FNDC3B: variants seen among roughly 807,000 people sequenced by gnomAD.
FNDC3B encodes the protein fibronectin type III domain-containing protein 3B.
FNDC3B carries 12 observed loss-of-function variants against 151.5 expected under a neutral mutation model. The ratio of observed to expected loss-of-function variants is 0.08; its 90% CI spans 0.05 to 0.13. The LOEUF (loss-of-function observed/expected upper bound fraction) is 0.13. FNDC3B is among the 10% of genes least tolerant of loss of function. The pLI is 1.00. For synonymous variants in FNDC3B, 528 were observed against 549.0 expected (o/e 0.96, Z 0.54); for missense variants, 1,214 against 1,505.3 (o/e 0.81, Z 3.20).
chr3:172,068,436 T>TG (rs1272433269), intron 1 of FNDC3B, among the ~76,000 whole-genome samples: 3 of 150,596 alleles, frequency 2.0e-5, no homozygotes, highest in Non-Finnish European at 4.4e-5. Context: ...TTTTTTTTTT[T>TG]TTTTTGAGAT....
chr3:172,201,887 T>G (rs942775506), intron 3 of FNDC3B, among the ~76,000 whole-genome samples: 1 of 152,244 alleles, frequency 6.6e-6, no homozygotes, highest in African/African-American at 2.4e-5. Flanking sequence ...TATGAAAAGT[T>G]ATTTGCTGTG....
At chr3:172,265,105 T>A (rs777190823) in intron 6 of FNDC3B, among the ~76,000 whole-genome samples, 1 of 152,208 alleles carries the variant, frequency 6.6e-6, no homozygotes, top group African/African-American at 2.4e-5. Flanking sequence ...ATCTCTAGGG[T>A]TCATTTGTAA....
intron 3 of FNDC3B, among the ~76,000 whole-genome samples, chr3:172,189,948 A>C (rs1009840676): frequency 1.6e-4 from 24 of 151,428 alleles, no homozygotes; most frequent in Admixed American, 6.6e-5. Context: ...CTAGTGGCTT[A>C]TTGTGTCTTG....
rs1736499042 is a variant in FNDC3B at position 172,400,083 on chromosome 3, T to C, written c.*2608T>C. 6.6e-6 allele frequency: 1 copy of C among 152,520 alleles called. No individual in the cohort carries two copies. Among genetic ancestry groups the C allele is most frequent in the African/African-American group, 2.4e-5 (1 of 41,448 alleles). 9.4% of individuals were successfully genotyped at this position (152,520 alleles called of 1,614,324 possible). A position where few individuals can be genotyped will look rare whatever the true frequency, so the allele number is the denominator to read the frequency against. On this transcript the variant is annotated 3_prime_UTR_variant, in exon 26 of 26. Coordinates refer to ENST00000415807, the MANE Select transcript of FNDC3B (RefSeq NM_022763.4). ...TATGTGATATTGATATATAACTATA[T>C]ATATTGCCATCACACACGAACAATA... is the stretch of plus-strand genomic sequence containing the variant.
chr3:172,320,196 A>G (rs1371983570), intron 11 of FNDC3B, among the ~76,000 whole-genome samples: 1 of 152,090 alleles, frequency 6.6e-6, no homozygotes, highest in African/African-American at 2.4e-5. Context: ...CCTGACCAAC[A>G]TGGTGAAACC....
intron 24 of FNDC3B, among the ~76,000 whole-genome samples, chr3:172,380,448 C>T (rs1377297840): frequency 1.3e-5 from 2 of 152,150 alleles, no homozygotes; most frequent in Non-Finnish European, 2.9e-5. Flanking sequence ...GTCACCTGCT[C>T]CTCAAACTTT....
intron 6 of FNDC3B, among the ~76,000 whole-genome samples, chr3:172,266,130 G>T (rs1258332882): frequency 6.6e-6 from 1 of 152,134 alleles, no homozygotes; most frequent in South Asian, 2.1e-4. Context: ...ATAGGAGAAT[G>T]GATTAAAAAT....
intron 23 of FNDC3B, among the ~76,000 whole-genome samples, chr3:172,374,453 G>A (rs191555858): frequency 9.8e-5 from 15 of 152,308 alleles, no homozygotes; most frequent in South Asian, 2.1e-4. Context: ...CCGGAGTACA[G>A]TGGCAGTCTT....
chr3:172,237,851 T>A (rs903193372), intron 4 of FNDC3B, among the ~76,000 whole-genome samples: 1 of 152,246 alleles, frequency 6.6e-6, no homozygotes, highest in African/African-American at 2.4e-5. Context: ...ATATCTGTTA[T>A]CAAGCTGTAA....
At chr3:172,089,887 C>T (rs1192318722) in intron 1 of FNDC3B, among the ~76,000 whole-genome samples, 1 of 152,120 alleles carries the variant, frequency 6.6e-6, no homozygotes, top group Admixed American at 6.5e-5. Context: ...ATTCCCAGGT[C>T]GGCCATCTCA....
At chr3:172,152,578 C>CTTTTTTTTT (rs10662326) in intron 3 of FNDC3B, among the ~76,000 whole-genome samples, 4 of 125,806 alleles carry the variant, frequency 3.2e-5, no homozygotes, top group South Asian at 2.5e-4. Context: ...ATGGGAAGGG[C>CTTTTTTTTT]TTTTTTTTTT....
intron 23 of FNDC3B, among the ~76,000 whole-genome samples, chr3:172,369,313 C>A (rs1734771919): frequency 6.6e-6 from 1 of 152,098 alleles, no homozygotes; most frequent in Non-Finnish European, 1.5e-5. Flanking sequence ...GGAAGAGTAT[C>A]CTTGAAGATT....
intron 6 of FNDC3B, among the ~76,000 whole-genome samples, chr3:172,267,505 A>G (rs1305775729): frequency 6.6e-6 from 1 of 152,230 alleles, no homozygotes; most frequent in Non-Finnish European, 1.5e-5. Flanking sequence ...GCTGAATGCT[A>G]TAACAACTGT....
intron 1 of FNDC3B, among the ~76,000 whole-genome samples, chr3:172,070,120 C>A (rs557934363): frequency 7.1e-4 from 108 of 152,288 alleles, no homozygotes; most frequent in Non-Finnish European, 1.3e-3. Context: ...GGTTGGCTAA[C>A]CTCTAATTGA....
intron 13 of FNDC3B, among the ~76,000 whole-genome samples, chr3:172,331,312 G>A (rs115266951): frequency 0.025 from 3,874 of 152,122 alleles, 59 homozygotes; most frequent in Middle Eastern, 0.058. Context: ...TACTGTCCTC[G>A]TTGCTTCCAC....
intron 10 of FNDC3B, among the ~76,000 whole-genome samples, chr3:172,307,949 T>TA (rs1731277410): frequency 6.6e-6 from 1 of 152,244 alleles, no homozygotes; most frequent in African/African-American, 2.4e-5. Context: ...TTAAAATACC[T>TA]ACATCTTATC....
chr3:172,399,425 G>A lies in FNDC3B; in HGVS notation c.*1950G>A, dbSNP rs1054997597. On this transcript the variant is annotated 3_prime_UTR_variant, in exon 26 of 26. Coordinates refer to ENST00000415807, the MANE Select transcript of FNDC3B (RefSeq NM_022763.4). ...AAAATACATTATCAGTGATTGAAAC[G>A]TTTACATGTACCCAAAAACCATAAT... is the stretch of plus-strand genomic sequence containing the variant. The A allele has an allele frequency of 3.9e-5, 6 of 152,398 alleles. No individual in the cohort carries two copies. Among genetic ancestry groups the A allele is most frequent in the African/African-American group, 1.2e-4 (5 of 41,362 alleles). The allele number at this position is 152,398 out of a possible 1,614,324, so 9.4% of individuals were successfully genotyped here.
At position 172,400,803 on chromosome 3, in the gene FNDC3B, C is replaced by T. The variant is rs1736536167; in HGVS notation, c.*3328C>T. Reference sequence around the variant, plus strand: ...GACGGAGTCTTGCTCTGTCGCCAGGCTGGAGTGCAGTGGCGCGATCTCAGC... The same window carrying T: ...GACGGAGTCTTGCTCTGTCGCCAGGTTGGAGTGCAGTGGCGCGATCTCAGC... On this transcript the variant is annotated 3_prime_UTR_variant, in exon 26 of 26. Coordinates refer to ENST00000415807, the MANE Select transcript of FNDC3B (RefSeq NM_022763.4). The T allele has an allele frequency of 6.8e-6, 1 of 147,482 alleles. No individual in the cohort carries two copies. Among genetic ancestry groups the T allele is most frequent in the African/African-American group, 2.5e-5 (1 of 39,970 alleles). The allele number at this position is 147,482 out of a possible 1,614,324, so 9.1% of individuals were successfully genotyped here.
At chr3:172,337,685 G>C (rs1422406366) in intron 16 of FNDC3B, 2 of 367,932 alleles carry the variant, frequency 5.4e-6, no homozygotes, top group Admixed American at 9.0e-5. Context: ...CTTTGGTTTG[G>C]TTTGTTTTTG....
Sources: allele counts gnomAD v4.1 joint callset (sites outside exome capture counted in the v4.1 genomes callset), GRCh38; gene constraint gnomAD v4.1.1; transcripts MANE v1.5; gene names NCBI Gene and HGNC (gene_info 2026-07-23, HGNC 2026-07-21).